EIF4G3: variants seen among roughly 807,000 people sequenced by gnomAD.
EIF4G3 encodes the protein eIF-4-gamma 3.
EIF4G3 carries 34 observed loss-of-function variants against 186.4 expected under a neutral mutation model. The observed-to-expected ratio is 0.18, with a 90% confidence interval of 0.14 to 0.24. The LOEUF (loss-of-function observed/expected upper bound fraction) is 0.24. Among genes scored for constraint, EIF4G3 ranks in the 10% least tolerant of loss-of-function variants. EIF4G3 has a pLI of 1.00. For missense variants in EIF4G3, 1,536 were observed against 1,948.5 expected, an observed-to-expected ratio of 0.79 and a Z score of 3.99; for synonymous variants, 673 against 679.5, an observed-to-expected ratio of 0.99 and a Z score of 0.15.
chr1:21,089,936 T>C (rs2096128920), intron 2 of EIF4G3, among the ~76,000 whole-genome samples: 1 of 152,212 alleles, frequency 6.6e-6, no homozygotes, highest in Non-Finnish European at 1.5e-5. Context: ...GCATAAATCA[T>C]TGGATGTTTC....
chr1:20,839,804 T>C (rs1223028692), intron 30 of EIF4G3, among the ~76,000 whole-genome samples: 1 of 150,146 alleles, frequency 6.7e-6, no homozygotes, highest in Admixed American at 6.8e-5. Context: ...TGACATTTAA[T>C]GGTTACCTTA....
At chr1:21,123,072 C>T (rs761310585) in intron 2 of EIF4G3, among the ~76,000 whole-genome samples, 13 of 152,028 alleles carry the variant, frequency 8.6e-5, no homozygotes, top group Non-Finnish European at 1.8e-4. Flanking sequence ...TTATCATTGC[C>T]GTTCTTTCTT....
At chr1:21,098,462 T>C (rs2096432852) in intron 2 of EIF4G3, among the ~76,000 whole-genome samples, 1 of 140,040 alleles carries the variant, frequency 7.1e-6, no homozygotes, top group Admixed American at 7.9e-5. Context: ...TCACCTGAGC[T>C]CAGGAGGTGG....
At chr1:20,845,601 G>A (rs2070652075) in intron 29 of EIF4G3, among the ~76,000 whole-genome samples, 1 of 152,076 alleles carries the variant, frequency 6.6e-6, no homozygotes, top group Non-Finnish European at 1.5e-5. Context: ...GGTGGAGCTT[G>A]CAGTGAGCCG....
At chr1:21,084,211 C>CTA (rs1452422970) in intron 3 of EIF4G3, among the ~76,000 whole-genome samples, 1 of 147,542 alleles carries the variant, frequency 6.8e-6, no homozygotes, top group Non-Finnish European at 1.5e-5. Flanking sequence ...TGCTATAGAA[C>CTA]TACCTGAGAC....
At chr1:20,812,317 A>G (rs1033310936) in intron 35 of EIF4G3, among the ~76,000 whole-genome samples, 1 of 152,208 alleles carries the variant, frequency 6.6e-6, no homozygotes, top group African/African-American at 2.4e-5. Context: ...AAAACATGAA[A>G]GTCTTATGAT....
intron 12 of EIF4G3, among the ~76,000 whole-genome samples, chr1:20,953,911 C>T (rs921011811): frequency 6.6e-6 from 1 of 152,066 alleles, no homozygotes; most frequent in African/African-American, 2.4e-5. Flanking sequence ...AGAGACACAC[C>T]CATCTATCTA....
intron 12 of EIF4G3, among the ~76,000 whole-genome samples, chr1:20,957,255 C>T (rs1355295371): frequency 6.6e-6 from 1 of 152,008 alleles, no homozygotes; most frequent in African/African-American, 2.4e-5. Context: ...CAAAACTACA[C>T]AGATACATGG....
intron 4 of EIF4G3, 35 bp from the exon 5 acceptor site, chr1:21,002,843 G>C (rs745701615): frequency 8.2e-7 from 1 of 1,212,806 alleles, no homozygotes; most frequent in Admixed American, 2.0e-5. Flanking sequence ...ATAATATTTT[G>C]AAAAAATATG....
intron 2 of EIF4G3, among the ~76,000 whole-genome samples, chr1:21,102,169 G>A (rs542642612): frequency 1.5e-4 from 23 of 152,086 alleles, no homozygotes; most frequent in Non-Finnish European, 2.5e-4. Flanking sequence ...AGGTATTTCT[G>A]GCTGGGCTTA....
intron 12 of EIF4G3, among the ~76,000 whole-genome samples, chr1:20,963,490 T>C (rs1046790377): frequency 2.0e-5 from 3 of 152,098 alleles, no homozygotes; most frequent in African/African-American, 7.2e-5. Context: ...GTAGGAGAGA[T>C]TGTATCTTTC....
intron 4 of EIF4G3, among the ~76,000 whole-genome samples, chr1:21,023,238 TCCCCTCCCCCTCCC>T (rs1225297965): frequency 8.8e-5 from 2 of 22,794 alleles, no homozygotes; most frequent in African/African-American, 3.5e-4. Flanking sequence ...TCCCTCCCCC[TCCCCTCCCCCTCCC>T]CCCCTCCCCC....
intron 12 of EIF4G3, among the ~76,000 whole-genome samples, chr1:20,955,933 C>A (rs1188284495): frequency 1.3e-5 from 2 of 152,060 alleles, no homozygotes; most frequent in Non-Finnish European, 2.9e-5. Context: ...GTACAGAGAT[C>A]AAGTCAAAAA....
chr1:20,960,029 C>T (rs1227582505), intron 12 of EIF4G3, among the ~76,000 whole-genome samples: 1 of 151,778 alleles, frequency 6.6e-6, no homozygotes, highest in Non-Finnish European at 1.5e-5. Flanking sequence ...ATCCAGCAAC[C>T]CCACTACTGG....
chr1:21,162,513 G>A (rs1044402236), intron 2 of EIF4G3, among the ~76,000 whole-genome samples: 6 of 151,066 alleles, frequency 4.0e-5, no homozygotes, highest in African/African-American at 1.2e-4. Flanking sequence ...TTGGGAGGCC[G>A]AGGCGGGTGG....
In EIF4G3 at chr1:20,817,478, G is replaced by C; in HGVS notation, c.4429C>G (p.Leu1477Val). ...CSSEALSKKE[L>V]SAEELYKRLE... ...CGCTTATACAGCTCTTCGGCAGACAGTTCTTTCTTTGAAAGTGCTTCAGAG... is the reference window on the plus strand; with the variant it reads ...CGCTTATACAGCTCTTCGGCAGACACTTCTTTCTTTGAAAGTGCTTCAGAG... The change falls in exon 34 of 37, where the codon CTG (leucine) becomes GTG (valine). Residue 1477 changes from leucine (L) to valine (V), a missense_variant. By Grantham distance (32) the Leu-to-Val change is conservative. Coordinates refer to ENST00000602326, the MANE Select transcript of EIF4G3 (RefSeq NM_001391906.1). 6.2e-7 allele frequency: 1 copy of C among 1,608,004 alleles called. No individual in the cohort carries two copies. Among genetic ancestry groups the C allele is most frequent in the Non-Finnish European group, 8.5e-7 (1 of 1,176,742 alleles).
At chr1:20,854,048 C>T (rs959592423) in intron 26 of EIF4G3, among the ~76,000 whole-genome samples, 8 of 151,996 alleles carry the variant, frequency 5.3e-5, no homozygotes, top group African/African-American at 1.9e-4. Flanking sequence ...TGAATAATGA[C>T]ATTTTTTAAA....
intron 12 of EIF4G3, among the ~76,000 whole-genome samples, chr1:20,954,611 G>T (rs1290832343): frequency 6.7e-6 from 1 of 149,440 alleles, no homozygotes; most frequent in Non-Finnish European, 1.5e-5. Flanking sequence ...ACCAAAACAT[G>T]CTTCTTTCTT....
Position 20,869,306 on chromosome 1 carries a change from A to ATTT in EIF4G3, c.2623-4047_2623-4045dup, listed in dbSNP as rs954573350. ...TTTCTAGAGGATAGTTTACTTTAAA[A>ATTT]TTTTTTTTTTTTTTTTTTTTTTTTG... On this transcript the variant is annotated intron_variant, in intron 20 of 36. Transcript: ENST00000602326. Among the ~76,000 whole-genome samples the ATTT allele has an allele frequency of 3.3e-3, 326 of 97,324 alleles. 3 individuals carry two copies. Among genetic ancestry groups the ATTT allele is most frequent in the African/African-American group, 6.6e-3 (158 of 23,954 alleles). The allele number at this position is 97,324 out of a possible 152,430, so 63.8% of individuals were successfully genotyped here. A position where few individuals can be genotyped will look rare whatever the true frequency, so the allele number is the denominator to read the frequency against.
Sources: gnomAD v4.1 joint callset for allele counts (sites outside exome capture counted in the v4.1 genomes callset) on GRCh38, gnomAD v4.1.1 for gene constraint, MANE v1.5 for transcripts, NCBI Gene and HGNC (gene_info 2026-07-23, HGNC 2026-07-21) for gene names.